The following SLC39A11 variants were observed in gnomAD, a reference collection of about 807,000 sequenced individuals.
The protein encoded by SLC39A11 is zinc transporter ZIP11.
Under a neutral mutation model 36.1 loss-of-function variants are expected in SLC39A11, and 33 were observed. The ratio of observed to expected loss-of-function variants is 0.91; its 90% CI spans 0.69 to 1.22. SLC39A11 has a LOEUF of 1.22. Among genes scored for constraint, SLC39A11 ranks in the 50% most tolerant of loss-of-function variants. The pLI, the probability that SLC39A11 is intolerant of heterozygous loss-of-function variation, is 0.00. For synonymous variants in SLC39A11, 166 were observed against 170.3 expected, an observed-to-expected ratio of 0.97 and a Z score of 0.20; for missense variants, 432 against 430.3, an observed-to-expected ratio of 1.00 and a Z score of -0.03.
At chr17:72,967,725 A>C (rs536894936) in intron 4 of SLC39A11, among the ~76,000 whole-genome samples, 1 of 152,182 alleles carries the variant, frequency 6.6e-6, no homozygotes, top group African/African-American at 2.4e-5. Flanking sequence ...GCAATGCACA[A>C]AGCATTCGCA....
chr17:72,914,026 T>C (rs7222227), intron 5 of SLC39A11, among the ~76,000 whole-genome samples: 123,763 of 149,830 alleles, frequency 0.83, 51,304 homozygotes, highest in East Asian at 0.91. Context: ...AAAAAAAGGC[T>C]GGGTGTGGTG....
At chr17:72,764,509 C>T (rs898835512) in intron 6 of SLC39A11, among the ~76,000 whole-genome samples, 5 of 152,118 alleles carry the variant, frequency 3.3e-5, no homozygotes, top group Admixed American at 1.3e-4. Context: ...AGGGGGATGA[C>T]AGTTTTCCTC....
intron 5 of SLC39A11, among the ~76,000 whole-genome samples, chr17:72,913,532 T>C (rs2083145173): frequency 6.6e-6 from 1 of 152,044 alleles, no homozygotes; most frequent in Non-Finnish European, 1.5e-5. Flanking sequence ...ACATCATCTG[T>C]TGAGAAGGAA....
intron 7 of SLC39A11, among the ~76,000 whole-genome samples, chr17:72,679,409 A>C (rs2071411247): frequency 6.6e-6 from 1 of 152,214 alleles, no homozygotes; most frequent in Non-Finnish European, 1.5e-5. Flanking sequence ...TTAAAAATAA[A>C]ATAAAAGAAT....
Position 72,803,914 on chromosome 17 carries a change from C to T in SLC39A11, c.601+45720G>A, listed in dbSNP as rs560885707. 3.3e-5 allele frequency among the ~76,000 whole-genome samples: 5 copies of T among 150,998 alleles called. No individual in the cohort carries two copies. The East Asian group carries it at 9.8e-4, about 29-fold the overall frequency. ...ATCCCACTCTTACCAACTTTCCACA[C>T]AAGACAAACTCTTACACATGAATAC... On this transcript the variant is annotated intron_variant, in intron 6 of 9. Coordinates refer to ENST00000255559, the MANE Select transcript of SLC39A11 (RefSeq NM_139177.4).
At position 72,759,111 on chromosome 17, in the gene SLC39A11, C is replaced by CAATAATAATAATAATAATAATAATAAT. The variant is rs201799463; in HGVS notation, c.602-22393_602-22392insATTATTATTATTATTATTATTATTATT. Among the ~76,000 whole-genome samples, 505 of 144,594 alleles carry CAATAATAATAATAATAATAATAATAAT rather than the reference C, an allele frequency of 3.5e-3. 6 individuals carry two copies. Among genetic ancestry groups the CAATAATAATAATAATAATAATAATAAT allele is most frequent in the South Asian group, 0.034 (157 of 4,680 alleles). The allele number at this position is 144,594 out of a possible 152,430, so 94.9% of individuals were successfully genotyped here. A position where few individuals can be genotyped will look rare whatever the true frequency, so the allele number is the denominator to read the frequency against. ...GTGAGATTTCATCTAAAAATAATAACAATAATAATAATAATAATAAATAAT... is the reference window on the plus strand; with the variant it reads ...GTGAGATTTCATCTAAAAATAATAACAATAATAATAATAATAATAATAATAATAATAATAATAATAATAATAAATAAT... On this transcript the variant is annotated intron_variant, in intron 6 of 9. Transcript: ENST00000255559.
chr17:72,831,313 T>C (rs997884020), intron 6 of SLC39A11, among the ~76,000 whole-genome samples: 1 of 152,074 alleles, frequency 6.6e-6, no homozygotes, highest in Non-Finnish European at 1.5e-5. Flanking sequence ...AGAAAGGAAA[T>C]GGAATTTGGA....
chr17:72,777,107 G>A (rs888363913), intron 6 of SLC39A11, among the ~76,000 whole-genome samples: 16 of 152,100 alleles, frequency 1.1e-4, no homozygotes, highest in South Asian at 6.2e-4. Context: ...CTGAATAAAC[G>A]TATTCACACT....
chr17:72,926,126 T>C (rs984613960), intron 5 of SLC39A11, among the ~76,000 whole-genome samples: 3 of 152,248 alleles, frequency 2.0e-5, no homozygotes, highest in Non-Finnish European at 4.4e-5. Flanking sequence ...ATTGGTTCCA[T>C]ATAAATGCTT....
At chr17:73,080,459 T>C (rs2144714170) in intron 3 of SLC39A11, among the ~76,000 whole-genome samples, 1 of 152,232 alleles carries the variant, frequency 6.6e-6, no homozygotes, top group Middle Eastern at 3.4e-3. Context: ...TGGATCCTCA[T>C]CTCTCACCTT....
intron 5 of SLC39A11, among the ~76,000 whole-genome samples, chr17:72,882,621 G>C (rs535752096): frequency 2.0e-5 from 3 of 151,972 alleles, no homozygotes; most frequent in Non-Finnish European, 2.9e-5. Context: ...CAGCTGGCCC[G>C]CTCTGCTACT....
At chr17:72,683,456 C>T (rs2071598267) in intron 7 of SLC39A11, among the ~76,000 whole-genome samples, 1 of 151,846 alleles carries the variant, frequency 6.6e-6, no homozygotes, top group Admixed American at 6.6e-5. Context: ...CCACCTCAGC[C>T]CCTAGGGTAG....
intron 7 of SLC39A11, among the ~76,000 whole-genome samples, chr17:72,660,864 T>C (rs2070379222): frequency 6.6e-6 from 1 of 152,012 alleles, no homozygotes; most frequent in Non-Finnish European, 1.5e-5. Context: ...CTCTCAGCTG[T>C]GACAACCAAA....
At chr17:72,913,200 A>C (rs974321992) in intron 5 of SLC39A11, among the ~76,000 whole-genome samples, 19 of 151,822 alleles carry the variant, frequency 1.3e-4, no homozygotes, top group African/African-American at 4.6e-4. Context: ...CAAAAAAAAA[A>C]ATCCTTTTTT....
At chr17:72,867,973 C>T (rs2080394877) in intron 5 of SLC39A11, among the ~76,000 whole-genome samples, 1 of 152,252 alleles carries the variant, frequency 6.6e-6, no homozygotes, top group Non-Finnish European at 1.5e-5. Flanking sequence ...AAACTGCCAA[C>T]TAACCTCTAA....
intron 7 of SLC39A11, among the ~76,000 whole-genome samples, chr17:72,670,643 CAT>C (rs1487178962): frequency 6.6e-6 from 1 of 152,180 alleles, no homozygotes; most frequent in Admixed American, 6.5e-5. Flanking sequence ...CCACTACTAT[CAT>C]TATTTATTTT....
chr17:72,700,591 C>T (rs889554782), intron 7 of SLC39A11, among the ~76,000 whole-genome samples: 7 of 152,190 alleles, frequency 4.6e-5, no homozygotes, highest in Admixed American at 2.0e-4. Context: ...ACAAGCAATC[C>T]AAGGCAAGGG....
intron 4 of SLC39A11, among the ~76,000 whole-genome samples, chr17:73,029,429 A>G (rs2058670833): frequency 6.6e-6 from 1 of 152,078 alleles, no homozygotes; most frequent in Admixed American, 6.6e-5. Flanking sequence ...CAGGGCAAGC[A>G]GAATACACTC....
chr17:72,972,811 C>T (rs1399640182), intron 4 of SLC39A11, among the ~76,000 whole-genome samples: 1 of 152,166 alleles, frequency 6.6e-6, no homozygotes, highest in Non-Finnish European at 1.5e-5. Context: ...GTGGTCATCA[C>T]ATTTAGTTGT....
Sources: allele counts gnomAD v4.1 joint callset (sites outside exome capture counted in the v4.1 genomes callset), GRCh38; gene constraint gnomAD v4.1.1; transcripts MANE v1.5; gene names NCBI Gene and HGNC (gene_info 2026-07-23, HGNC 2026-07-21).